Variants in CYTH3 observed in about 807,000 individuals in gnomAD.
CYTH3 encodes the protein cytohesin-3.
A neutral mutation model predicts 55.1 loss-of-function variants in CYTH3; 23 were observed. The ratio of observed to expected loss-of-function variants is 0.42; its 90% CI spans 0.30 to 0.59. CYTH3 has a LOEUF of 0.59. CYTH3 is among the 20% of genes least tolerant of loss of function. The pLI is 0.20. For synonymous variants in CYTH3, 249 were observed against 194.9 expected, an observed-to-expected ratio of 1.28 and a Z score of -2.31; for missense variants, 413 against 524.8, an observed-to-expected ratio of 0.79 and a Z score of 2.08.
rs1554354415 is a variant in CYTH3, at chr7:6,170,662, ACAG to A, written c.712-19_712-17del. 6.2e-7 allele frequency: 1 copy of A among 1,610,464 alleles called. No homozygotes were observed. Among genetic ancestry groups the A allele is most frequent in the African/African-American group, 1.3e-5 (1 of 74,858 alleles). Reference sequence around the variant, plus strand: ...CATACAAATTCTGCAAGGAGGGAAAACAGCAGCCAGTTCAGAGACTCGGAGGAA... The same window carrying A: ...CATACAAATTCTGCAAGGAGGGAAAACAGCCAGTTCAGAGACTCGGAGGAA... On this transcript the variant is annotated splice_polypyrimidine_tract_variant and intron_variant, in intron 8 of 12. Coordinates refer to ENST00000350796, the MANE Select transcript of CYTH3 (RefSeq NM_004227.4). This position sits in a 1 kb window ranked among gnomAD's most constrained non-coding sequence, Gnocchi z 7.8.
intron 3 of CYTH3, 88 bp downstream of exon 3, chr7:6,187,567 ACT>A (rs1783686566): frequency 8.6e-7 from 1 of 1,157,894 alleles, no homozygotes; most frequent in Non-Finnish European, 1.3e-6. Context: ...CATCCCAACC[ACT>A]CTCACCCCAC....
rs1278175131 is a variant in CYTH3 at position 6,169,742 on chromosome 7, T to A, written c.823+793A>T. On this transcript the variant is annotated intron_variant, in intron 9 of 12. Transcript: ENST00000350796. This position sits in a 1 kb window ranked among gnomAD's most constrained non-coding sequence, Gnocchi z 4.1. ...AAAGGCCTTTAGAGCACTCCCGAAA[T>A]CTCTCCATGCGCTGCTGGGTTAGTA... Among the ~76,000 whole-genome samples, 1 of 151,918 alleles carries A rather than the reference T, an allele frequency of 6.6e-6. No homozygotes were observed. The highest frequency in any genetic ancestry group is 6.6e-5 in the Admixed American group (1 of 15,260).
intron 1 of CYTH3, among the ~76,000 whole-genome samples, chr7:6,224,315 T>TAAAAAAAA (rs11458182): frequency 2.3e-5 from 2 of 86,660 alleles, no homozygotes; most frequent in Non-Finnish European, 6.1e-5. Context: ...CAAAAATAGG[T>TAAAAAAAA]AAAAAAAAAA....
chr7:6,252,767 C>A (rs536953453), intron 1 of CYTH3, among the ~76,000 whole-genome samples: 1 of 152,338 alleles, frequency 6.6e-6, no homozygotes, highest in Non-Finnish European at 1.5e-5. Flanking sequence ...AAGGATCTGA[C>A]AGCAAAAGTA....
chr7:6,262,966 A>C (rs1562420016), intron 1 of CYTH3, among the ~76,000 whole-genome samples: 1 of 152,106 alleles, frequency 6.6e-6, no homozygotes, highest in Admixed American at 6.6e-5. Context: ...TTTGACCAAA[A>C]AAAAAAATGA....
rs1482704559 is a variant in CYTH3 at position 6,167,536 on chromosome 7, AAAC to A, written c.824-1729_824-1727del. ...GCACTGGTGCCAGCTGCCATCCCCC[AAAC>A]AGCGGCCAAAGGCATCTTTTCAAAA... On this transcript the variant is annotated intron_variant, in intron 9 of 12. Transcript: ENST00000350796. This position sits in a 1 kb window ranked among gnomAD's most constrained non-coding sequence, Gnocchi z 5.5. Among the ~76,000 whole-genome samples, 1 of 152,184 alleles carries A rather than the reference AAAC, an allele frequency of 6.6e-6. No homozygotes were observed. Among genetic ancestry groups the A allele is most frequent in the Non-Finnish European group, 1.5e-5 (1 of 68,018 alleles).
At chr7:6,203,964 G>A (rs530662017) in intron 1 of CYTH3, among the ~76,000 whole-genome samples, 129 of 151,184 alleles carry the variant, frequency 8.5e-4, no homozygotes, top group Non-Finnish European at 6.2e-4. Flanking sequence ...TGATCCACCC[G>A]CCTCAGCCTC....
At chr7:6,236,185 T>C (rs1779518476) in intron 1 of CYTH3, among the ~76,000 whole-genome samples, 1 of 151,966 alleles carries the variant, frequency 6.6e-6, no homozygotes, top group South Asian at 2.1e-4. Context: ...ATATAGGATA[T>C]ATTAACAGAA....
chr7:6,170,841 C>A lies in CYTH3; in HGVS notation c.700G>T (p.Glu234Ter), dbSNP rs749707136. The change falls in exon 8 of 13, where the codon GAG becomes TAG. Residue 234 changes from glutamate (E) to a stop codon, truncating the protein, a stop_gained. Coordinates refer to ENST00000350796, the MANE Select transcript of CYTH3 (RefSeq NM_004227.4). LOFTEE classifies it high-confidence loss of function. This position sits in a 1 kb window ranked among gnomAD's most constrained non-coding sequence, Gnocchi z 7.8. The stretch of plus-strand genomic sequence containing the variant: ...GCCGGGGAGCTCACCCTCAGCAGCT[C>A]CTCAGGGAGGTCCCCGCCCTCGTTG... Reference protein sequence around the residue: ...GINEGGDLPEELLRNLYESIK... With the variant: ...GINEGGDLPE 1 of 1,612,244 alleles carries A rather than the reference C, an allele frequency of 6.2e-7. No individual in the cohort carries two copies. The highest frequency in any genetic ancestry group is 1.1e-5 in the South Asian group (1 of 90,926).
intron 1 of CYTH3, among the ~76,000 whole-genome samples, chr7:6,213,268 G>C (rs1784360630): frequency 6.6e-6 from 1 of 152,146 alleles, no homozygotes; most frequent in African/African-American, 2.4e-5. Flanking sequence ...TTAGCTCTTT[G>C]CAATTAAAAG....
chr7:6,270,517 T>C (rs982458186), intron 1 of CYTH3, among the ~76,000 whole-genome samples: 1 of 152,146 alleles, frequency 6.6e-6, no homozygotes, highest in Admixed American at 6.5e-5. Flanking sequence ...ACCTGGAAAA[T>C]ATAAAAAGAA....
chr7:6,173,204 G>A, intron 6 of CYTH3: 1 of 303,408 alleles, frequency 3.3e-6, no homozygotes, highest in Non-Finnish European at 5.1e-6. Context: ...GCAGCTCAAG[G>A]GGGCATCCAG....
intron 1 of CYTH3, among the ~76,000 whole-genome samples, chr7:6,259,103 G>A (rs141075153): frequency 1.8e-3 from 277 of 152,238 alleles, no homozygotes; most frequent in African/African-American, 6.4e-3. Context: ...CAAAATAAAC[G>A]GAGAATATTA....
At chr7:6,191,501 T>C (rs570172319) in intron 1 of CYTH3, among the ~76,000 whole-genome samples, 27 of 152,078 alleles carry the variant, frequency 1.8e-4, no homozygotes, top group African/African-American at 6.0e-4. Flanking sequence ...TACAAGTGGA[T>C]TAAAAGTATA....
intron 1 of CYTH3, among the ~76,000 whole-genome samples, chr7:6,250,429 A>G (rs1338984586): frequency 1.2e-4 from 18 of 152,218 alleles, no homozygotes; most frequent in Non-Finnish European, 2.9e-5. Context: ...GACAGAGGTG[A>G]GCAAAACCTC....
chr7:6,255,324 T>C (rs1452449224), intron 1 of CYTH3, among the ~76,000 whole-genome samples: 1 of 152,216 alleles, frequency 6.6e-6, no homozygotes, highest in Non-Finnish European at 1.5e-5. Flanking sequence ...CCATTAACAT[T>C]ATAGATGACA....
Position 6,171,655 on chromosome 7 carries a change from C to A in CYTH3, c.450-341G>T, listed in dbSNP as rs1783199530. The stretch of plus-strand genomic sequence containing the variant: ...TGCTGCTGCCAGGTGATCACCAGAG[C>A]CCTGCCTGTCCCGAGCTGCCACCAG... On this transcript the variant is annotated intron_variant, in intron 6 of 12. Transcript: ENST00000350796. This position sits in a 1 kb window ranked among gnomAD's most constrained non-coding sequence, Gnocchi z 6.7. The A allele has an allele frequency of 3.5e-6, 1 of 284,740 alleles. No individual in the cohort carries two copies. Among genetic ancestry groups the A allele is most frequent in the Non-Finnish European group, 7.0e-6 (1 of 142,128 alleles). 17.6% of individuals were successfully genotyped at this position (284,740 alleles called of 1,614,324 possible).
rs116753366 is a variant in CYTH3, at chr7:6,181,883, C to G, written c.250-3942G>C. On this transcript the variant is annotated intron_variant, in intron 4 of 12. Transcript: ENST00000350796. ...CATATGCTCAAGTGATGATGTGACA[C>G]ACACTCCTAGTTTTCATTTCCAAGG... is the stretch of plus-strand genomic sequence containing the variant. 8.5e-3 allele frequency among the ~76,000 whole-genome samples: 1,295 copies of G among 152,278 alleles called. 16 individuals are homozygous for G. The highest frequency in any genetic ancestry group is 0.029 in the African/African-American group (1,222 of 41,540).
At chr7:6,172,896 A>G (rs1462842813) in intron 6 of CYTH3, 2 of 1,237,128 alleles carry the variant, frequency 1.6e-6, no homozygotes, top group Non-Finnish European at 1.0e-6. Flanking sequence ...CGCTGCCAAC[A>G]TTGCAGTCTG....
Sources: allele counts gnomAD v4.1 joint callset (sites outside exome capture counted in the v4.1 genomes callset), GRCh38; gene constraint gnomAD v4.1.1; non-coding constraint Gnocchi (gnomAD v3.1); transcripts MANE v1.5; gene names NCBI Gene and HGNC (gene_info 2026-07-23, HGNC 2026-07-21).